The following PCDHA3 variants were observed in gnomAD, a reference collection of about 807,000 sequenced individuals.
The protein encoded by PCDHA3 is protocadherin alpha 3.
In PCDHA3, 41 loss-of-function variants were observed where a neutral mutation model predicts 62.2. That is an observed-to-expected ratio of 0.66 (90% CI 0.51 to 0.86). The LOEUF is 0.86. Among genes scored for constraint, PCDHA3 ranks in the 40% least tolerant of loss-of-function variants. The pLI is 0.00. For synonymous variants in PCDHA3, 640 were observed against 555.4 expected (o/e 1.15, Z -2.14); for missense variants, 1,304 against 1,241.2 (o/e 1.05, Z -0.76).
At position 140,801,654 on chromosome 5, in the gene PCDHA3, T is replaced by C; in HGVS notation, c.457T>C (p.Ser153Pro). 6.2e-7 allele frequency: 1 copy of C among 1,614,220 alleles called. No individual in the cohort carries two copies. Among genetic ancestry groups the C allele is most frequent in the South Asian group, 1.1e-5 (1 of 91,080 alleles). ...ATCCCGACAGCCTGGCTCTCGGTTT[T>C]CGCTAGAGGGCGCATCAGATGCAGA... ...SESRQPGSRF[S>P]LEGASDADIG... Residue 153 changes from serine to proline, a missense_variant, in exon 1 of 4, where the codon TCG becomes CCG. Ser to Pro is a moderately conservative substitution (Grantham distance 74). Transcript: ENST00000522353.
At chr5:140,969,210 C>G in intron 1 of PCDHA3, 1 of 1,614,184 alleles carries the variant, frequency 6.2e-7, no homozygotes, top group Non-Finnish European at 8.5e-7. Context: ...GGGGCCCAGA[C>G]AGGACCAGGG....
intron 1 of PCDHA3, among the ~76,000 whole-genome samples, chr5:140,891,498 G>C (rs566885852): frequency 6.6e-6 from 1 of 151,186 alleles, no homozygotes; most frequent in East Asian, 1.9e-4. Flanking sequence ...CATATCCTCA[G>C]CTATAATGTT....
At chr5:140,928,624 C>T (rs782032190) in intron 1 of PCDHA3, 1 of 1,614,242 alleles carries the variant, frequency 6.2e-7, no homozygotes, top group Non-Finnish European at 8.5e-7. Context: ...CAGGACTGGA[C>T]ACTTGGTCAC....
At chr5:140,851,516 TA>T in intron 1 of PCDHA3, 1 of 906,320 alleles carries the variant, frequency 1.1e-6, no homozygotes, top group Non-Finnish European at 1.3e-6. Flanking sequence ...AAATATGTTT[TA>T]AAATGCCTGA....
intron 1 of PCDHA3, chr5:140,843,887 A>G: frequency 1.4e-6 from 1 of 705,148 alleles, no homozygotes. Context: ...ATAATACAGT[A>G]TTAATCATTC....
At chr5:140,935,760 T>C (rs1320272382) in intron 1 of PCDHA3, among the ~76,000 whole-genome samples, 1 of 152,152 alleles carries the variant, frequency 6.6e-6, no homozygotes, top group Non-Finnish European at 1.5e-5. Flanking sequence ...TACACATTCT[T>C]CCCCACTTTG....
intron 1 of PCDHA3, chr5:140,969,308 A>G (rs782412499): frequency 1.9e-6 from 3 of 1,614,196 alleles, no homozygotes; most frequent in Middle Eastern, 3.3e-4. Context: ...TATTCTCAAA[A>G]ATGAGGCTGT....
chr5:140,938,899 A>C (rs1175857132), intron 1 of PCDHA3, among the ~76,000 whole-genome samples: 1 of 151,886 alleles, frequency 6.6e-6, no homozygotes, highest in Non-Finnish European at 1.5e-5. Flanking sequence ...ACAGATGCGC[A>C]CACACACACA....
chr5:140,824,623 T>TTATTTTTTTA (rs1768266110), intron 1 of PCDHA3: 3 of 132,188 alleles, frequency 2.3e-5, no homozygotes, highest in Middle Eastern at 3.2e-3. Context: ...TTTTTTTTTT[T>TTATTTTTTTA]TTTTTTTTTA....
At chr5:140,909,484 G>A (rs981292788) in intron 1 of PCDHA3, among the ~76,000 whole-genome samples, 1 of 152,180 alleles carries the variant, frequency 6.6e-6, no homozygotes, top group African/African-American at 2.4e-5. Context: ...CTAAATAGGA[G>A]AGCTGAACGG....
At chr5:140,857,683 C>T (rs1554150520) in intron 1 of PCDHA3, 1 of 1,597,084 alleles carries the variant, frequency 6.3e-7, no homozygotes, top group Middle Eastern at 1.8e-4. Context: ...CGCCTCTGGG[C>T]AGCAACTTGA....
intron 1 of PCDHA3, chr5:140,835,958 C>T (rs2150249126): frequency 1.9e-6 from 3 of 1,613,058 alleles, no homozygotes; most frequent in Middle Eastern, 1.8e-4. Context: ...CGTTGGACCA[C>T]GAGGAGCTGG....
At chr5:140,975,206 T>G (rs2096657939) in intron 1 of PCDHA3, among the ~76,000 whole-genome samples, 1 of 152,232 alleles carries the variant, frequency 6.6e-6, no homozygotes, top group African/African-American at 2.4e-5. Context: ...TCTTCATGGC[T>G]GGCACTGGAG....
At chr5:140,971,695 A>G (rs563817946) in intron 1 of PCDHA3, among the ~76,000 whole-genome samples, 26 of 152,062 alleles carry the variant, frequency 1.7e-4, no homozygotes, top group Admixed American at 5.2e-4. Flanking sequence ...GTACTCACTA[A>G]CCACCCTGCT....
chr5:140,921,151 A>AT (rs11299094), intron 1 of PCDHA3, among the ~76,000 whole-genome samples: 2 of 151,512 alleles, frequency 1.3e-5, no homozygotes. Context: ...CAGCTAATGC[A>AT]TTTTTTTTTT....
intron 1 of PCDHA3, among the ~76,000 whole-genome samples, chr5:140,961,590 A>C (rs1554225489): frequency 2.0e-5 from 3 of 152,100 alleles, no homozygotes; most frequent in Non-Finnish European, 4.4e-5. Flanking sequence ...TATTTTGGCA[A>C]TGATTCTAGT....
At chr5:140,838,173 G>C (rs1033489567) in intron 1 of PCDHA3, among the ~76,000 whole-genome samples, 2 of 149,160 alleles carry the variant, frequency 1.3e-5, no homozygotes, top group Non-Finnish European at 3.0e-5. Flanking sequence ...GAGTGCAGTG[G>C]TGCAATCTCA....
At chr5:140,915,190 G>A (rs1317793585) in intron 1 of PCDHA3, among the ~76,000 whole-genome samples, 1 of 151,978 alleles carries the variant, frequency 6.6e-6, no homozygotes, top group Non-Finnish European at 1.5e-5. Context: ...CTAGTGATCC[G>A]CCCATCTTGG....
rs79336587 is a variant in PCDHA3 at position 140,997,550 on chromosome 5, C to T, written c.2543-12077C>T. Reference sequence around the variant, plus strand: ...ATAAAAATACATTATTATAATCTTACAGGACAACTGTCATATGTGTGGTCC... The same window carrying T: ...ATAAAAATACATTATTATAATCTTATAGGACAACTGTCATATGTGTGGTCC... On this transcript the variant is annotated intron_variant, in intron 3 of 3. Coordinates refer to ENST00000522353, the MANE Select transcript of PCDHA3 (RefSeq NM_018906.3). Among the ~76,000 whole-genome samples, 1,283 of 152,208 alleles carry T rather than the reference C, an allele frequency of 8.4e-3. 21 individuals carry two copies. The highest frequency in any genetic ancestry group is 0.029 in the African/African-American group (1,211 of 41,522).
Sources: allele counts gnomAD v4.1 joint callset (sites outside exome capture counted in the v4.1 genomes callset), GRCh38; gene constraint gnomAD v4.1.1; transcripts MANE v1.5; gene names NCBI Gene and HGNC (gene_info 2026-07-23, HGNC 2026-07-21).